Variants in ASTN2 observed in about 807,000 individuals in gnomAD.
The protein encoded by ASTN2 is astrotactin-2.
ASTN2 carries 54 observed loss-of-function variants against 139.8 expected under a neutral mutation model. That is an observed-to-expected ratio of 0.39 (90% CI 0.31 to 0.48). The LOEUF (loss-of-function observed/expected upper bound fraction) is 0.48. Ranked by LOEUF, ASTN2 falls within the 20% of genes least tolerant of loss-of-function variation. ASTN2 has a pLI of 0.95. For missense variants in ASTN2, 1,565 were observed against 1,725.1 expected (o/e 0.91, Z 1.64); for synonymous variants, 756 against 719.5 (o/e 1.05, Z -0.81).
chr9:117,267,973 A>G (rs1473917616), intron 2 of ASTN2, among the ~76,000 whole-genome samples: 1 of 152,188 alleles, frequency 6.6e-6, no homozygotes, highest in Non-Finnish European at 1.5e-5. Flanking sequence ...GTGGACATAA[A>G]CAATGCCAAT....
intron 4 of ASTN2, among the ~76,000 whole-genome samples, chr9:117,122,966 A>C (rs4838233): frequency 6.6e-6 from 1 of 152,082 alleles, no homozygotes; most frequent in Non-Finnish European, 1.5e-5. Context: ...CCAGATGAGG[A>C]GCAGAAAGCT....
chr9:116,589,293 CTGAA>C (rs1200645833), intron 19 of ASTN2, among the ~76,000 whole-genome samples: 1 of 152,166 alleles, frequency 6.6e-6, no homozygotes, highest in Non-Finnish European at 1.5e-5. Flanking sequence ...TAAATAATTG[CTGAA>C]TGAATGAATG....
At chr9:116,567,481 A>G (rs62576087) in intron 19 of ASTN2, among the ~76,000 whole-genome samples, 24,119 of 152,132 alleles carry the variant, frequency 0.16, 2,073 homozygotes, top group African/African-American at 0.21. Context: ...GTGGACATGC[A>G]GCTTCTCCCT....
intron 16 of ASTN2, among the ~76,000 whole-genome samples, chr9:116,667,538 G>C (rs935817743): frequency 1.3e-5 from 2 of 152,142 alleles, no homozygotes; most frequent in Non-Finnish European, 2.9e-5. Context: ...TGAATACATA[G>C]AGATTTATTA....
At chr9:116,978,495 GCACACA>G (rs5900243) in intron 7 of ASTN2, among the ~76,000 whole-genome samples, 12 of 127,642 alleles carry the variant, frequency 9.4e-5, no homozygotes, top group Admixed American at 4.2e-4. Flanking sequence ...TCTCTCTCAC[GCACACA>G]CACACACACA....
At chr9:117,037,306 G>A (rs999852885) in intron 6 of ASTN2, among the ~76,000 whole-genome samples, 6 of 149,848 alleles carry the variant, frequency 4.0e-5, no homozygotes, top group South Asian at 4.3e-4. Flanking sequence ...TCATCAAGAC[G>A]GTTTGCCGCT....
rs1847989406 is a variant in ASTN2, at chr9:116,446,266, G to GAGAT, written c.3498-3714_3498-3713insATCT. Among the ~76,000 whole-genome samples, 3 of 74,416 alleles carry GAGAT rather than the reference G, an allele frequency of 4.0e-5. No individual in the cohort carries two copies. In the East Asian group the frequency reaches 1.1e-3, roughly 27 times the overall value. 48.8% of individuals were successfully genotyped at this position (74,416 alleles called of 152,430 possible). A position where few individuals can be genotyped will look rare whatever the true frequency, so the allele number is the denominator to read the frequency against. On this transcript the variant is annotated intron_variant, in intron 20 of 22. Transcript: ENST00000313400. ...GACAGAGGGGAGAGGGAGAGAGAGAGAGAGATAGAGAGAGAGAGAGAGAGA... is the reference window on the plus strand; with the variant it reads ...GACAGAGGGGAGAGGGAGAGAGAGAGAGATAGAGATAGAGAGAGAGAGAGAGAGA...
At chr9:116,685,680 T>G (rs936268735) in intron 16 of ASTN2, among the ~76,000 whole-genome samples, 1 of 152,242 alleles carries the variant, frequency 6.6e-6, no homozygotes. Context: ...AGAATGCTTA[T>G]TCTACTCTAA....
chr9:116,544,467 C>G (rs1294590394), intron 19 of ASTN2, among the ~76,000 whole-genome samples: 1 of 152,124 alleles, frequency 6.6e-6, no homozygotes, highest in Non-Finnish European at 1.5e-5. Context: ...CACCTTTGCT[C>G]CTTTAAAATT....
chr9:116,687,231 A>T (rs1467457088), intron 16 of ASTN2: 2 of 1,002,334 alleles, frequency 2.0e-6, no homozygotes, highest in Non-Finnish European at 1.2e-6. Flanking sequence ...GCTGCACGAC[A>T]AGCCCCAGCA....
At chr9:116,653,113 A>G (rs1320400579) in intron 16 of ASTN2, among the ~76,000 whole-genome samples, 1 of 152,238 alleles carries the variant, frequency 6.6e-6, no homozygotes, top group Non-Finnish European at 1.5e-5. Context: ...ATCAGGGGCC[A>G]TGGCTCCCAT....
intron 1 of ASTN2, among the ~76,000 whole-genome samples, chr9:117,364,959 A>ACACG (rs1404341903): frequency 7.9e-6 from 1 of 126,642 alleles, no homozygotes; most frequent in East Asian, 2.5e-4. Flanking sequence ...CAACACACAC[A>ACACG]CACACACACA....
chr9:116,905,430 A>G (rs1297803232), intron 10 of ASTN2, among the ~76,000 whole-genome samples: 1 of 152,100 alleles, frequency 6.6e-6, no homozygotes, highest in African/African-American at 2.4e-5. Context: ...ACTACACCCC[A>G]ACACACAGTC....
intron 19 of ASTN2, among the ~76,000 whole-genome samples, chr9:116,526,778 C>T (rs769351640): frequency 5.3e-5 from 8 of 152,000 alleles, no homozygotes; most frequent in Non-Finnish European, 1.2e-4. Flanking sequence ...GAGCTCAGCC[C>T]GATATCTGTA....
At chr9:116,918,853 A>G (rs1332565731) in intron 10 of ASTN2, among the ~76,000 whole-genome samples, 1 of 152,230 alleles carries the variant, frequency 6.6e-6, no homozygotes, top group Non-Finnish European at 1.5e-5. Flanking sequence ...CAAACTCCAG[A>G]GTGAGTCAAA....
At chr9:116,927,620 G>T (rs1468664911) in intron 10 of ASTN2, among the ~76,000 whole-genome samples, 1 of 152,168 alleles carries the variant, frequency 6.6e-6, no homozygotes, top group Non-Finnish European at 1.5e-5. Flanking sequence ...GTACTAGGTG[G>T]TCCTTCTTTT....
intron 1 of ASTN2, among the ~76,000 whole-genome samples, chr9:117,335,979 A>G (rs1828868350): frequency 6.6e-6 from 1 of 151,092 alleles, no homozygotes; most frequent in Admixed American, 6.6e-5. Context: ...TCCTGACAAT[A>G]TTAACAACAC....
At chr9:117,019,873 A>T (rs887787459) in intron 6 of ASTN2, among the ~76,000 whole-genome samples, 2 of 152,128 alleles carry the variant, frequency 1.3e-5, no homozygotes, top group African/African-American at 2.4e-5. Flanking sequence ...AATACCTAAC[A>T]TATAACTCCT....
intron 10 of ASTN2, among the ~76,000 whole-genome samples, chr9:116,912,291 G>A (rs1027847439): frequency 1.3e-5 from 2 of 152,222 alleles, no homozygotes; most frequent in African/African-American, 4.8e-5. Flanking sequence ...TTGGCTTCTT[G>A]CAACTGTACC....
Sources: allele counts gnomAD v4.1 joint callset (sites outside exome capture counted in the v4.1 genomes callset), GRCh38; gene constraint gnomAD v4.1.1; transcripts MANE v1.5; gene names NCBI Gene and HGNC (gene_info 2026-07-23, HGNC 2026-07-21).